IQSEC1: variants seen among roughly 807,000 people sequenced by gnomAD.
The protein encoded by IQSEC1 is IQ motif and SEC7 domain-containing protein 1.
Under a neutral mutation model 91.0 loss-of-function variants are expected in IQSEC1, and 31 were observed. The observed-to-expected ratio is 0.34, with a 90% CI of 0.26 to 0.46. IQSEC1 has a LOEUF of 0.46. IQSEC1 is among the 20% of genes least tolerant of loss of function. IQSEC1 has a pLI of 1.00. For synonymous variants in IQSEC1, 699 were observed against 662.6 expected (o/e 1.05, Z -0.84); for missense variants, 1,388 against 1,575.6 (o/e 0.88, Z 2.02).
rs1229284461 is a variant in IQSEC1 at position 12,899,181 on chromosome 3, G to A, written c.*1802C>T. The A allele has an allele frequency of 3.4e-6, 2 of 594,256 alleles. No individual in the cohort carries two copies. Among genetic ancestry groups the A allele is most frequent in the African/African-American group, 3.7e-5 (2 of 53,576 alleles). The allele number at this position is 594,256 out of a possible 1,614,324, so 36.8% of individuals were successfully genotyped here. On this transcript the variant is annotated 3_prime_UTR_variant, in exon 14 of 14. Coordinates refer to ENST00000613206, the MANE Select transcript of IQSEC1 (RefSeq NM_001134382.3). ...CGAGGGTGGGAGGGATGTGAGGAGG[G>A]AAATCGGCAAAACCCTGGCCAGCCA... is the stretch of plus-strand genomic sequence containing the variant.
intron 2 of IQSEC1, among the ~76,000 whole-genome samples, chr3:13,091,679 C>A (rs906670375): frequency 6.6e-6 from 1 of 152,238 alleles, no homozygotes; most frequent in Non-Finnish European, 1.5e-5. Flanking sequence ...CCCCCGCTGA[C>A]CTGTCTGTTC....
chr3:13,188,179 G>T (rs1693965360), intron 1 of IQSEC1, among the ~76,000 whole-genome samples: 1 of 152,200 alleles, frequency 6.6e-6, no homozygotes, highest in Non-Finnish European at 1.5e-5. Flanking sequence ...ATGCCCTGTT[G>T]TGGGCATCTG....
At chr3:13,003,077 C>T (rs1301965210) in intron 1 of IQSEC1, among the ~76,000 whole-genome samples, 1 of 152,074 alleles carries the variant, frequency 6.6e-6, no homozygotes, top group Non-Finnish European at 1.5e-5. Context: ...AAATGACCCA[C>T]ATGTCCATCA....
intron 2 of IQSEC1, among the ~76,000 whole-genome samples, chr3:13,125,080 A>G (rs981965591): frequency 2.6e-5 from 4 of 152,136 alleles, no homozygotes; most frequent in African/African-American, 9.7e-5. Flanking sequence ...AGCAGTGCGC[A>G]GCTCCCCACT....
intron 1 of IQSEC1, among the ~76,000 whole-genome samples, chr3:13,246,742 G>A (rs1161204170): frequency 6.6e-6 from 1 of 152,144 alleles, no homozygotes; most frequent in African/African-American, 2.4e-5. Flanking sequence ...ATGCAGGAAT[G>A]GGTTCTCTGG....
chr3:13,012,082 G>A (rs1236016079), intron 1 of IQSEC1, among the ~76,000 whole-genome samples: 2 of 152,178 alleles, frequency 1.3e-5, no homozygotes, highest in Non-Finnish European at 2.9e-5. Flanking sequence ...TGTGGCACAC[G>A]GTAGGTGTAC....
intron 1 of IQSEC1, among the ~76,000 whole-genome samples, chr3:13,251,422 T>C (rs1033375376): frequency 1.3e-5 from 2 of 152,238 alleles, no homozygotes; most frequent in African/African-American, 4.8e-5. Flanking sequence ...CAGTTCTGGC[T>C]CATAGAGTAG....
chr3:13,049,236 A>G (rs538071923), intron 1 of IQSEC1, among the ~76,000 whole-genome samples: 1 of 152,266 alleles, frequency 6.6e-6, no homozygotes, highest in East Asian at 1.9e-4. Context: ...CACGAGCCAC[A>G]TGAGATGATA....
At chr3:12,946,968 C>T (rs1276605298) in intron 1 of IQSEC1, among the ~76,000 whole-genome samples, 1 of 152,226 alleles carries the variant, frequency 6.6e-6, no homozygotes, top group Non-Finnish European at 1.5e-5. Flanking sequence ...TGGATGAAGC[C>T]TCAGCCTCCT....
intron 4 of IQSEC1, among the ~76,000 whole-genome samples, chr3:12,923,963 C>T (rs563383134): frequency 6.6e-6 from 1 of 152,348 alleles, no homozygotes; most frequent in East Asian, 1.9e-4. Context: ...TGCTCACCAG[C>T]TCTCTGAACT....
intron 7 of IQSEC1, 144 bp downstream of exon 7, chr3:12,915,450 G>A (rs1037534250): frequency 2.6e-5 from 22 of 857,572 alleles, no homozygotes; most frequent in Non-Finnish European, 3.8e-5. Context: ...GGAGACACTC[G>A]AAAAAACCCC....
chr3:13,098,721 T>C (rs977773399), intron 2 of IQSEC1, among the ~76,000 whole-genome samples: 12 of 152,114 alleles, frequency 7.9e-5, no homozygotes, highest in Non-Finnish European at 1.3e-4. Flanking sequence ...TATGGTTCCA[T>C]TTGTATGGAG....
intron 2 of IQSEC1, among the ~76,000 whole-genome samples, chr3:13,085,276 A>C (rs578216560): frequency 2.6e-5 from 4 of 152,206 alleles, no homozygotes; most frequent in Admixed American, 2.6e-4. Context: ...CAGTAGCAGC[A>C]AGGGTGATGT....
chr3:13,198,789 G>A (rs1250397035), intron 1 of IQSEC1, among the ~76,000 whole-genome samples: 4 of 152,222 alleles, frequency 2.6e-5, no homozygotes, highest in South Asian at 2.1e-4. Flanking sequence ...AGCAAGGCAC[G>A]TGGGAGCTGA....
rs546623208 is a variant in IQSEC1 at position 13,186,322 on chromosome 3, T to C, written c.273-22189A>G. Among the ~76,000 whole-genome samples, 5 of 152,306 alleles carry C rather than the reference T, an allele frequency of 3.3e-5. No homozygotes were observed. The East Asian group carries it at 7.7e-4, about 24-fold the overall frequency. ...CTTGCACTGGGAAGAGATCTTCTCT[T>C]AGACCATGAATTGTGATCAAGGAGG... On this transcript the variant is annotated intron_variant, in intron 1 of 15. Coordinates refer to the IQSEC1 transcript ENST00000648114.
chr3:12,950,520 A>G (rs990482088), intron 1 of IQSEC1, among the ~76,000 whole-genome samples: 2 of 152,086 alleles, frequency 1.3e-5, no homozygotes, highest in African/African-American at 4.8e-5. Context: ...TTTTTTAAAA[A>G]TATTAGCTGG....
intron 1 of IQSEC1, among the ~76,000 whole-genome samples, chr3:12,971,223 G>C (rs1038492971): frequency 1.3e-5 from 2 of 152,280 alleles, no homozygotes; most frequent in Middle Eastern, 3.4e-3. Flanking sequence ...AACCCCCTGC[G>C]TGTTCAGCCA....
chr3:13,121,829 G>A (rs899575725), intron 2 of IQSEC1, among the ~76,000 whole-genome samples: 1 of 152,226 alleles, frequency 6.6e-6, no homozygotes, highest in Non-Finnish European at 1.5e-5. Context: ...GCACTGAGGG[G>A]ACAGACTAGG....
At chr3:13,266,707 C>A (rs992142378) in intron 1 of IQSEC1, among the ~76,000 whole-genome samples, 2 of 152,094 alleles carry the variant, frequency 1.3e-5, no homozygotes, top group African/African-American at 4.8e-5. Context: ...CACAGGGAGA[C>A]CCCACATGCT....
Sources: allele counts gnomAD v4.1 joint callset (sites outside exome capture counted in the v4.1 genomes callset), GRCh38; gene constraint gnomAD v4.1.1; transcripts MANE v1.5; gene names NCBI Gene and HGNC (gene_info 2026-07-23, HGNC 2026-07-21).